RSU1: variants seen among roughly 807,000 people sequenced by gnomAD.
RSU1 encodes Ras suppressor protein 1.
Under a neutral mutation model 31.1 loss-of-function variants are expected in RSU1, and 26 were observed. The observed-to-expected ratio is 0.84, with a 90% CI of 0.61 to 1.16. RSU1 has a LOEUF of 1.16. Among genes scored for constraint, RSU1 ranks in the 50% most tolerant of loss-of-function variants. The probability of loss-of-function intolerance (pLI) is 0.00; values close to 1 mark genes in which losing one functional copy is unlikely to be tolerated. For missense variants in RSU1, 320 were observed against 339.1 expected (o/e 0.94, Z 0.44); for synonymous variants, 164 against 136.3 (o/e 1.20, Z -1.41).
chr10:16,660,398 A>G (rs932133804), intron 8 of RSU1, among the ~76,000 whole-genome samples: 3 of 152,206 alleles, frequency 2.0e-5, no homozygotes, highest in African/African-American at 7.2e-5. Context: ...GTCTTCAAAC[A>G]GCATCCATGA....
intron 8 of RSU1, among the ~76,000 whole-genome samples, chr10:16,651,576 C>T (rs1244013477): frequency 6.6e-6 from 1 of 152,170 alleles, no homozygotes; most frequent in Non-Finnish European, 1.5e-5. Context: ...GTTTCTTTTG[C>T]TCCTCATAAA....
chr10:16,622,223 T>C (rs191285194), intron 8 of RSU1, among the ~76,000 whole-genome samples: 23 of 152,348 alleles, frequency 1.5e-4, no homozygotes, highest in Middle Eastern at 3.4e-3. Context: ...ACTATTCACA[T>C]TGGCTGTTTA....
intron 8 of RSU1, among the ~76,000 whole-genome samples, chr10:16,650,185 C>G (rs1834656067): frequency 6.6e-6 from 1 of 152,206 alleles, no homozygotes; most frequent in South Asian, 2.1e-4. Flanking sequence ...CTGAGACTAT[C>G]TCTAGCTCAC....
chr10:16,722,921 T>C (rs199950395), intron 7 of RSU1, among the ~76,000 whole-genome samples: 893 of 145,922 alleles, frequency 6.1e-3, no homozygotes, highest in East Asian at 0.025. Context: ...TACATATATG[T>C]ATATATACAC....
intron 7 of RSU1, among the ~76,000 whole-genome samples, chr10:16,702,257 T>TGG (rs1307713882): frequency 6.6e-6 from 1 of 152,172 alleles, no homozygotes; most frequent in African/African-American, 2.4e-5. Context: ...TAGGGCAGTG[T>TGG]GAAGGAGAAA....
At chr10:16,606,566 T>C (rs1455389551) in intron 8 of RSU1, among the ~76,000 whole-genome samples, 5 of 152,212 alleles carry the variant, frequency 3.3e-5, no homozygotes, top group Admixed American at 2.0e-4. Context: ...GTTCATGACC[T>C]CTGAGTCATT....
At chr10:16,744,978 C>A (rs759506285) in intron 7 of RSU1, among the ~76,000 whole-genome samples, 1 of 152,172 alleles carries the variant, frequency 6.6e-6, no homozygotes, top group African/African-American at 2.4e-5. Flanking sequence ...ACAGGATACA[C>A]TGACCAATCC....
At chr10:16,707,730 G>C (rs923460643) in intron 7 of RSU1, among the ~76,000 whole-genome samples, 4 of 151,954 alleles carry the variant, frequency 2.6e-5, no homozygotes, top group Non-Finnish European at 5.9e-5. Context: ...ATGTAATCTT[G>C]TTTGTCTAGT....
chr10:16,678,411 C>T (rs1189750981), intron 8 of RSU1, among the ~76,000 whole-genome samples: 1 of 152,202 alleles, frequency 6.6e-6, no homozygotes, highest in Non-Finnish European at 1.5e-5. Flanking sequence ...AACCTTCTCT[C>T]AAGCTGTCTT....
chr10:16,598,209 G>A (rs373141046), intron 8 of RSU1, among the ~76,000 whole-genome samples: 6 of 152,212 alleles, frequency 3.9e-5, no homozygotes, highest in East Asian at 1.9e-4. Context: ...GGATGATCCC[G>A]TGGGCTCAGT....
chr10:16,709,078 C>T (rs1295105659), intron 7 of RSU1, among the ~76,000 whole-genome samples: 1 of 151,744 alleles, frequency 6.6e-6, no homozygotes, highest in East Asian at 1.9e-4. Context: ...ATGTGCCATG[C>T]TGGTGTGTTA....
rs567556066 is a variant in RSU1, at chr10:16,592,555, A to T, written c.*839T>A. The T allele has an allele frequency of 6.6e-6, 1 of 152,100 alleles. No individual in the cohort carries two copies. Among genetic ancestry groups the T allele is most frequent in the Non-Finnish European group, 1.5e-5 (1 of 68,038 alleles). The allele number at this position is 152,100 out of a possible 1,614,324, so 9.4% of individuals were successfully genotyped here. On this transcript the variant is annotated 3_prime_UTR_variant, in exon 9 of 9. Transcript: ENST00000345264. ...GCGAGCAGATTTTCCGCCGTGACAA[A>T]ATACACAGTTGAGGTTTTTTCTCTC...
intron 7 of RSU1, among the ~76,000 whole-genome samples, chr10:16,736,262 T>C (rs1588502746): frequency 6.6e-6 from 1 of 152,048 alleles, no homozygotes; most frequent in East Asian, 1.9e-4. Context: ...AAAGACCAAC[T>C]ACAAGGAAGA....
chr10:16,612,171 C>T (rs1564285720), intron 8 of RSU1, among the ~76,000 whole-genome samples: 1 of 152,146 alleles, frequency 6.6e-6, no homozygotes, highest in Non-Finnish European at 1.5e-5. Context: ...CATAGAGTTG[C>T]AATATGCCTT....
At chr10:16,809,996 G>T (rs537162115) in intron 2 of RSU1, among the ~76,000 whole-genome samples, 1 of 150,766 alleles carries the variant, frequency 6.6e-6, no homozygotes, top group Admixed American at 6.6e-5. Context: ...CGGGGGTGGG[G>T]GGGGGAGGTG....
intron 8 of RSU1, among the ~76,000 whole-genome samples, chr10:16,640,978 C>T (rs1336063687): frequency 1.3e-5 from 2 of 152,218 alleles, no homozygotes. Flanking sequence ...GGGAAGAAGG[C>T]TTGTAGTATC....
chr10:16,785,449 T>TACATATATACATATATATATAC lies in RSU1; in HGVS notation c.110-3387_110-3366dup, dbSNP rs1213252651. Reference sequence around the variant, plus strand: ...ATACATATATATATATACACATATATACATATATACATATATATATACACA... The same window carrying TACATATATACATATATATATAC: ...ATACATATATATATATACACATATATACATATATACATATATATATACACATATATACATATATATATACACA... On this transcript the variant is annotated intron_variant, in intron 2 of 8. Coordinates refer to ENST00000345264, the MANE Select transcript of RSU1 (RefSeq NM_012425.4). Among the ~76,000 whole-genome samples, 468 of 139,458 alleles carry TACATATATACATATATATATAC rather than the reference T, an allele frequency of 3.4e-3. 5 individuals are homozygous for TACATATATACATATATATATAC. Among genetic ancestry groups the TACATATATACATATATATATAC allele is most frequent in the Non-Finnish European group, 5.6e-3 (370 of 66,106 alleles). The allele number at this position is 139,458 out of a possible 152,430, so 91.5% of individuals were successfully genotyped here. A position where few individuals can be genotyped will look rare whatever the true frequency, so the allele number is the denominator to read the frequency against.
At chr10:16,737,798 C>T (rs1836661445) in intron 7 of RSU1, among the ~76,000 whole-genome samples, 1 of 151,296 alleles carries the variant, frequency 6.6e-6, no homozygotes, top group African/African-American at 2.4e-5. Context: ...AACATATCAA[C>T]TAATGTAACC....
At chr10:16,636,534 G>A (rs1430115050) in intron 8 of RSU1, among the ~76,000 whole-genome samples, 7 of 152,066 alleles carry the variant, frequency 4.6e-5, no homozygotes, top group African/African-American at 1.2e-4. Flanking sequence ...TGTTTTCTGC[G>A]CTTCCCTTTT....
Sources: allele counts gnomAD v4.1 joint callset (sites outside exome capture counted in the v4.1 genomes callset), GRCh38; gene constraint gnomAD v4.1.1; transcripts MANE v1.5; gene names NCBI Gene and HGNC (gene_info 2026-07-23, HGNC 2026-07-21).